LIN9: variants seen among roughly 807,000 people sequenced by gnomAD.
The protein encoded by LIN9 is protein lin-9 homolog.
LIN9 carries 18 observed loss-of-function variants against 78.0 expected under a neutral mutation model. The ratio of observed to expected loss-of-function variants is 0.23; its 90% confidence interval spans 0.16 to 0.34. The LOEUF is 0.34. Ranked by LOEUF, LIN9 falls within the 10% of genes least tolerant of loss-of-function variation. The pLI is 1.00. For missense variants in LIN9, 451 were observed against 644.1 expected (o/e 0.70, Z 3.25); for synonymous variants, 192 against 215.2 (o/e 0.89, Z 0.94).
rs572818808 is a variant in LIN9 at position 226,274,387 on chromosome 1, A to T, written c.682+3388T>A. Among the ~76,000 whole-genome samples the T allele has an allele frequency of 1.2e-4, 18 of 152,150 alleles. No individual in the cohort carries two copies. The East Asian group carries it at 3.5e-3, about 29-fold the overall frequency. On this transcript the variant is annotated intron_variant, in intron 7 of 14. Transcript: ENST00000681046. Reference sequence around the variant, plus strand: ...TCCATATCAGTGCTCCTCTTACATAATATGCTGTTTTTCTGTGACTGCTTT... The same window carrying T: ...TCCATATCAGTGCTCCTCTTACATATTATGCTGTTTTTCTGTGACTGCTTT...
At chr1:226,272,399 A>T (rs112433000) in intron 7 of LIN9, among the ~76,000 whole-genome samples, 3,464 of 133,362 alleles carry the variant, frequency 0.026, 137 homozygotes, top group African/African-American at 0.092. Context: ...TTTTTTTTTG[A>T]GACAGAGTCT....
At chr1:226,291,543 A>G (rs1482645228) in intron 4 of LIN9, among the ~76,000 whole-genome samples, 1 of 152,108 alleles carries the variant, frequency 6.6e-6, no homozygotes, top group Non-Finnish European at 1.5e-5. Flanking sequence ...GGATAATCAA[A>G]CTAATTATAG....
chr1:226,282,290 A>G (rs1661116170), intron 6 of LIN9, among the ~76,000 whole-genome samples: 1 of 152,220 alleles, frequency 6.6e-6, no homozygotes, highest in African/African-American at 2.4e-5. Context: ...CAATACTGCA[A>G]TAAATACCTT....
At chr1:226,290,016 T>A (rs1395988911) in intron 4 of LIN9, among the ~76,000 whole-genome samples, 1 of 152,108 alleles carries the variant, frequency 6.6e-6, no homozygotes, top group Non-Finnish European at 1.5e-5. Context: ...AAGAAGTCAT[T>A]AAAAGGTAAC....
Position 226,277,937 on chromosome 1 carries a change from A to C in LIN9, c.525-5T>G. On this transcript the variant is annotated splice_polypyrimidine_tract_variant and splice_region_variant and intron_variant, in intron 6 of 14. Transcript: ENST00000681046. ...TCAAAAAATGCAGAAGAACATCTAG[A>C]ATAAATTATAAAAAACATACAAACT... is the stretch of plus-strand genomic sequence containing the variant. 1 of 1,601,172 alleles carries C rather than the reference A, an allele frequency of 6.2e-7. No individual in the cohort carries two copies. The highest frequency in any genetic ancestry group is 8.5e-7 in the Non-Finnish European group (1 of 1,174,134).
chr1:226,258,203 CAAACAAACAAAA>C (rs1012561331), intron 10 of LIN9, among the ~76,000 whole-genome samples: 6 of 126,134 alleles, frequency 4.8e-5, no homozygotes, highest in Admixed American at 1.6e-4. Context: ...AACAAACAAA[CAAACAAACAAAA>C]CAGGGCTAGT....
chr1:226,256,524 C>T (rs919483316), intron 10 of LIN9, among the ~76,000 whole-genome samples: 2 of 151,372 alleles, frequency 1.3e-5, no homozygotes, highest in Admixed American at 1.3e-4. Flanking sequence ...CACCGCCAGA[C>T]CTTATCTCTA....
intron 4 of LIN9, among the ~76,000 whole-genome samples, chr1:226,290,467 A>T (rs573152851): frequency 1.3e-5 from 2 of 151,722 alleles, no homozygotes; most frequent in South Asian, 4.2e-4. Flanking sequence ...CAGCCTCCCG[A>T]GTAGCTGGGA....
intron 1 of LIN9, among the ~76,000 whole-genome samples, chr1:226,305,819 CAGG>C (rs1662877123): frequency 6.6e-6 from 1 of 152,116 alleles, no homozygotes; most frequent in African/African-American, 2.4e-5. Context: ...GGGTTTGTAA[CAGG>C]AGGATGACAT....
Position 226,232,570 on chromosome 1 carries a change from A to G in LIN9, c.1560T>C (p.His520=), listed in dbSNP as rs1657405550. Residue 520 remains histidine, a synonymous_variant, in exon 15 of 15, where the codon CAT becomes CAC. Transcript: ENST00000681046. Reference sequence around the variant, plus strand: ...CCATCTGGCTCAGGCCACTCTGAATATGTGCAACATGGATTTCTACATTAT... The same window carrying G: ...CCATCTGGCTCAGGCCACTCTGAATGTGTGCAACATGGATTTCTACATTAT... The part of the protein sequence containing the change: ...FQNNVEIHVA[H]IQSGLSQMGN... 1.9e-6 allele frequency: 3 copies of G among 1,610,992 alleles called. No homozygotes were observed. The highest frequency in any genetic ancestry group is 2.5e-6 in the Non-Finnish European group (3 of 1,178,050).
intron 1 of LIN9, among the ~76,000 whole-genome samples, chr1:226,305,978 T>C (rs1020382816): frequency 6.6e-6 from 1 of 151,952 alleles, no homozygotes; most frequent in Non-Finnish European, 1.5e-5. Flanking sequence ...TGATAGATAT[T>C]TAGAAGGTAA....
chr1:226,244,960 T>C (rs1057066009), intron 11 of LIN9, among the ~76,000 whole-genome samples: 17 of 152,330 alleles, frequency 1.1e-4, no homozygotes, highest in African/African-American at 4.1e-4. Flanking sequence ...AATGAACATG[T>C]AGTCATTTTG....
At chr1:226,255,549 CA>C (rs1030536516) in intron 10 of LIN9, among the ~76,000 whole-genome samples, 2 of 146,970 alleles carry the variant, frequency 1.4e-5, no homozygotes, top group Non-Finnish European at 3.0e-5. Context: ...CGCCAGGAGG[CA>C]AAAAAAAACA....
chr1:226,233,562 G>T, intron 12 of LIN9, 39 bp from the exon 13 acceptor site: 1 of 1,504,166 alleles, frequency 6.6e-7, no homozygotes, highest in Non-Finnish European at 9.0e-7. Flanking sequence ...GCATGTTCGA[G>T]AAGCCATGAT....
intron 11 of LIN9, among the ~76,000 whole-genome samples, chr1:226,250,533 T>TTGTA (rs376646974): frequency 6.6e-6 from 1 of 152,192 alleles, no homozygotes; most frequent in Admixed American, 6.5e-5. Context: ...AGATTTACTG[T>TTGTA]TGTATGTATG....
Position 226,265,089 on chromosome 1 carries a change from A to G in LIN9, c.1038+444T>C, listed in dbSNP as rs1197510500. On this transcript the variant is annotated intron_variant, in intron 10 of 14. Transcript: ENST00000681046. The surrounding 1 kb of genome is among the most constrained non-coding windows in gnomAD (Gnocchi z 4.1). ...TTAGATTTCTTAGTGTCTAATCACT[A>G]AGTACTTAGCAGGTGAATACCTGTT... is the stretch of plus-strand genomic sequence containing the variant. Among the ~76,000 whole-genome samples, 1 of 152,204 alleles carries G rather than the reference A, an allele frequency of 6.6e-6. No homozygotes were observed. The highest frequency in any genetic ancestry group is 1.5e-5 in the Non-Finnish European group (1 of 68,020).
intron 4 of LIN9, among the ~76,000 whole-genome samples, chr1:226,294,800 T>C (rs1033838502): frequency 3.3e-5 from 5 of 151,936 alleles, no homozygotes; most frequent in Admixed American, 6.6e-5. Context: ...TTTTTACATG[T>C]CTACTTTTTT....
Position 226,265,569 on chromosome 1 carries a change from T to A in LIN9, c.1002A>T (p.Thr334=). The change falls in exon 10 of 15, where the codon ACA becomes ACT. Residue 334 remains threonine (T), a synonymous_variant. Transcript: ENST00000681046. The surrounding 1 kb of genome is among the most constrained non-coding windows in gnomAD (Gnocchi z 4.1). ...GAAATTCTACTGGAAAACCACCTAATGTTTCAGTGTCAGAGCCAGAAATTT... is the reference window on the plus strand; with the variant it reads ...GAAATTCTACTGGAAAACCACCTAAAGTTTCAGTGTCAGAGCCAGAAATTT... ...RSKISGSDTE[T]LGGFPVEFLI... is the part of the protein sequence containing the mutation. 1 of 1,611,680 alleles carries A rather than the reference T, an allele frequency of 6.2e-7. No individual in the cohort carries two copies. Among genetic ancestry groups the A allele is most frequent in the Non-Finnish European group, 8.5e-7 (1 of 1,177,918 alleles).
chr1:226,300,684 C>T (rs1269714819), intron 2 of LIN9, among the ~76,000 whole-genome samples: 2 of 152,102 alleles, frequency 1.3e-5, no homozygotes, highest in Admixed American at 6.6e-5. Context: ...GGTGAAATCC[C>T]GTCTCTACTG....
Sources: gnomAD v4.1 joint callset for allele counts (sites outside exome capture counted in the v4.1 genomes callset) on GRCh38, gnomAD v4.1.1 for gene constraint, Gnocchi (gnomAD v3.1) non-coding constraint, MANE v1.5 for transcripts, NCBI Gene and HGNC (gene_info 2026-07-23, HGNC 2026-07-21) for gene names.